PNOC: variants seen among roughly 807,000 people sequenced by gnomAD.
The protein encoded by PNOC is nociceptin.
Under a neutral mutation model 15.6 loss-of-function variants are expected in PNOC, and 10 were observed. The ratio of observed to expected loss-of-function variants is 0.64; its 90% CI spans 0.40 to 1.09. PNOC has a LOEUF of 1.09. PNOC is among the 50% of genes least tolerant of loss of function. PNOC has a pLI of 0.01. For missense variants in PNOC, 220 were observed against 223.9 expected (o/e 0.98, Z 0.11); for synonymous variants, 98 against 88.5 (o/e 1.11, Z -0.60).
chr8:28,324,353 A>AT (rs1801191125), intron 1 of PNOC, among the ~76,000 whole-genome samples: 1 of 152,196 alleles, frequency 6.6e-6, no homozygotes, highest in African/African-American at 2.4e-5. Context: ...GCCAGAGAGC[A>AT]TTTTGCTAAC....
chr8:28,342,695 C>T (rs1448575285), intron 3 of PNOC, among the ~76,000 whole-genome samples: 1 of 152,196 alleles, frequency 6.6e-6, no homozygotes, highest in Non-Finnish European at 1.5e-5. Context: ...AAGGGGCTTG[C>T]CACTGTGCCT....
intron 3 of PNOC, among the ~76,000 whole-genome samples, chr8:28,341,479 T>C (rs1801517974): frequency 6.6e-6 from 1 of 152,252 alleles, no homozygotes; most frequent in South Asian, 2.1e-4. Context: ...CATTCTTCTT[T>C]AAAGTGGCTC....
chr8:28,324,250 A>G (rs1032216964), intron 1 of PNOC, among the ~76,000 whole-genome samples: 1 of 152,108 alleles, frequency 6.6e-6, no homozygotes, highest in Admixed American at 6.5e-5. Context: ...CTTAAATCCC[A>G]TTTACCCAGA....
chr8:28,329,141 C>T lies in PNOC; in HGVS notation c.-17C>T, dbSNP rs1265550196. On this transcript the variant is annotated 5_prime_UTR_variant, in exon 2 of 4. Transcript: ENST00000301908. ...TGCTTCCTGTATGTTCCAGCACCTGCTTCCTGCTCCTGCACCATGAAAGTC... is the reference window on the plus strand; with the variant it reads ...TGCTTCCTGTATGTTCCAGCACCTGTTTCCTGCTCCTGCACCATGAAAGTC... The T allele has an allele frequency of 6.2e-7, 1 of 1,612,980 alleles. No homozygotes were observed. Among genetic ancestry groups the T allele is most frequent in the South Asian group, 1.1e-5 (1 of 91,076 alleles).
At chr8:28,326,149 C>A (rs2645726) in intron 1 of PNOC, among the ~76,000 whole-genome samples, 49,478 of 151,752 alleles carry the variant, frequency 0.33, 9,942 homozygotes, top group Non-Finnish European at 0.46. Context: ...GCCAGGAGTT[C>A]GAGACCAGCC....
chr8:28,336,184 A>T (rs1801409234), intron 2 of PNOC, among the ~76,000 whole-genome samples: 1 of 152,148 alleles, frequency 6.6e-6, no homozygotes. Context: ...AGTTCAACTA[A>T]CCTCTACTGG....
intron 1 of PNOC, among the ~76,000 whole-genome samples, chr8:28,318,294 T>C (rs1201041912): frequency 2.0e-5 from 3 of 152,170 alleles, no homozygotes; most frequent in Non-Finnish European, 2.9e-5. Flanking sequence ...AATGGACTAT[T>C]TAAAGCAAGC....
intron 2 of PNOC, among the ~76,000 whole-genome samples, chr8:28,331,786 A>G (rs910695329): frequency 6.6e-6 from 1 of 151,876 alleles, no homozygotes; most frequent in African/African-American, 2.4e-5. Context: ...TCATGTTCTG[A>G]TTGTTAGTTG....
chr8:28,321,206 A>ATTTTTTT (rs34876674), intron 1 of PNOC, among the ~76,000 whole-genome samples: 5 of 122,792 alleles, frequency 4.1e-5, no homozygotes, highest in African/African-American at 9.4e-5. Context: ...ACCTAGCTAA[A>ATTTTTTT]TTTTTTTTTT....
At chr8:28,320,940 G>T (rs186494630) in intron 1 of PNOC, among the ~76,000 whole-genome samples, 1 of 151,334 alleles carries the variant, frequency 6.6e-6, no homozygotes, top group Non-Finnish European at 1.5e-5. Context: ...TTTTAGAAAA[G>T]AACACCGAAT....
intron 2 of PNOC, among the ~76,000 whole-genome samples, chr8:28,334,100 A>C (rs1801373783): frequency 6.6e-6 from 1 of 151,314 alleles, no homozygotes; most frequent in Admixed American, 6.6e-5. Flanking sequence ...CAGTTCTGAC[A>C]ACCAACAATG....
chr8:28,332,208 A>G (rs1303530436), intron 2 of PNOC, among the ~76,000 whole-genome samples: 2 of 152,198 alleles, frequency 1.3e-5, no homozygotes, highest in African/African-American at 2.4e-5. Flanking sequence ...TCTAGTTTGT[A>G]TTCACTTTTA....
intron 1 of PNOC, among the ~76,000 whole-genome samples, chr8:28,321,435 C>A (rs1052673220): frequency 2.0e-5 from 3 of 151,976 alleles, no homozygotes; most frequent in East Asian, 3.9e-4. Flanking sequence ...TACCTTCCCA[C>A]CTGCAGTAGC....
chr8:28,334,049 A>AAC (rs71678743), intron 2 of PNOC, among the ~76,000 whole-genome samples: 8,630 of 146,866 alleles, frequency 0.059, 250 homozygotes, highest in East Asian at 0.098. Flanking sequence ...AGGTGCCAGT[A>AAC]ACACACACAC....
intron 2 of PNOC, among the ~76,000 whole-genome samples, chr8:28,330,664 G>A (rs1306634806): frequency 1.6e-5 from 2 of 126,258 alleles, no homozygotes; most frequent in African/African-American, 5.1e-5. Flanking sequence ...GCCTCCCAAA[G>A]TGCTGGGATT....
chr8:28,329,115 A>G lies in PNOC; in HGVS notation c.-23-20A>G, dbSNP rs1585832054. 1 of 1,610,090 alleles carries G rather than the reference A, an allele frequency of 6.2e-7. No homozygotes were observed. The highest frequency in any genetic ancestry group is 8.5e-7 in the Non-Finnish European group (1 of 1,179,544). On this transcript the variant is annotated intron_variant, in intron 1 of 3. Transcript: ENST00000301908. Reference sequence around the variant, plus strand: ...TCCGAGAATGGCTGTACTCATTGCCATGCTTCCTGTATGTTCCAGCACCTG... The same window carrying G: ...TCCGAGAATGGCTGTACTCATTGCCGTGCTTCCTGTATGTTCCAGCACCTG...
At chr8:28,334,049 A>AACACACACACACAC (rs71678743) in intron 2 of PNOC, among the ~76,000 whole-genome samples, 1 of 146,898 alleles carries the variant, frequency 6.8e-6, no homozygotes, top group African/African-American at 2.5e-5. Context: ...AGGTGCCAGT[A>AACACACACACACAC]ACACACACAC....
Position 28,319,609 on chromosome 8 carries a change from C to T in PNOC, c.-24+2293C>T, listed in dbSNP as rs548266376. On this transcript the variant is annotated intron_variant, in intron 1 of 3. Coordinates refer to ENST00000301908, the MANE Select transcript of PNOC (RefSeq NM_006228.5). ...TACGTGCTTATTTCATGCTAATACACACATGCACATATGCACACTGGTAGG... is the reference window on the plus strand; with the variant it reads ...TACGTGCTTATTTCATGCTAATACATACATGCACATATGCACACTGGTAGG... Among the ~76,000 whole-genome samples, 9 of 152,310 alleles carry T rather than the reference C, an allele frequency of 5.9e-5. No homozygotes were observed. In the South Asian group the frequency reaches 6.2e-4, roughly 11 times the overall value.
chr8:28,325,481 C>T (rs1022954934), intron 1 of PNOC, among the ~76,000 whole-genome samples: 37 of 151,734 alleles, frequency 2.4e-4, no homozygotes, highest in African/African-American at 7.5e-4. Flanking sequence ...TGTGAAGCCC[C>T]GTCTCTACTA....
Sources: gnomAD v4.1 joint callset for allele counts (sites outside exome capture counted in the v4.1 genomes callset) on GRCh38, gnomAD v4.1.1 for gene constraint, MANE v1.5 for transcripts, NCBI Gene and HGNC (gene_info 2026-07-23, HGNC 2026-07-21) for gene names.